AUTS2: variants seen among roughly 807,000 people sequenced by gnomAD.
AUTS2 encodes the protein activator of transcription and developmental regulator AUTS2, also known as autism susceptibility gene 2 protein.
Under a neutral mutation model 112.4 loss-of-function variants are expected in AUTS2, and 17 were observed. The ratio of observed to expected loss-of-function variants is 0.15; its 90% CI spans 0.10 to 0.23. The LOEUF (loss-of-function observed/expected upper bound fraction) is 0.23, where lower values mean the gene tolerates loss of function less well. Among genes scored for constraint, AUTS2 ranks in the 10% least tolerant of loss-of-function variants. AUTS2 has a pLI of 1.00. For synonymous variants in AUTS2, 751 were observed against 702.7 expected, an observed-to-expected ratio of 1.07 and a Z score of -1.09; for missense variants, 1,510 against 1,701.6, an observed-to-expected ratio of 0.89 and a Z score of 1.98.
At chr7:70,031,585 T>C (rs548798811) in intron 2 of AUTS2, among the ~76,000 whole-genome samples, 7 of 152,246 alleles carry the variant, frequency 4.6e-5, no homozygotes, top group African/African-American at 1.7e-4. Flanking sequence ...TCAGTGAAGA[T>C]GGATTGAGCC....
intron 2 of AUTS2, among the ~76,000 whole-genome samples, chr7:69,924,561 C>G (rs28885141): frequency 1.1e-5 from 1 of 93,076 alleles, no homozygotes; most frequent in Admixed American, 1.1e-4. Flanking sequence ...TTTTTTTTTT[C>G]TTTTTTTGAG....
chr7:70,785,050 T>G (rs369080848), intron 16 of AUTS2, 31 bp downstream of exon 16: 57 of 1,609,366 alleles, frequency 3.5e-5, no homozygotes, highest in Admixed American at 6.7e-5. Context: ...GGAACTGAGA[T>G]GTGTGCTTCA....
chr7:69,926,275 G>T (rs1423880725), intron 2 of AUTS2, among the ~76,000 whole-genome samples: 1 of 152,060 alleles, frequency 6.6e-6, no homozygotes, highest in Non-Finnish European at 1.5e-5. Context: ...TATAATTGTG[G>T]TTTTGTTTCT....
At chr7:70,066,207 A>G (rs1802483969) in intron 2 of AUTS2, among the ~76,000 whole-genome samples, 1 of 152,228 alleles carries the variant, frequency 6.6e-6, no homozygotes, top group African/African-American at 2.4e-5. Context: ...TTCAAAGCAC[A>G]TTCCTATATG....
intron 2 of AUTS2, among the ~76,000 whole-genome samples, chr7:70,069,075 C>T (rs1164466518): frequency 6.6e-6 from 1 of 152,176 alleles, no homozygotes; most frequent in Non-Finnish European, 1.5e-5. Context: ...ATGTGGCCAG[C>T]TGATCTCATG....
intron 1 of AUTS2, among the ~76,000 whole-genome samples, chr7:69,880,358 C>A (rs1320779370): frequency 1.3e-5 from 2 of 152,156 alleles, no homozygotes; most frequent in East Asian, 3.9e-4. Flanking sequence ...AACCATATCA[C>A]CCAGCTGGGA....
chr7:70,236,772 C>T (rs1812350456), intron 4 of AUTS2, among the ~76,000 whole-genome samples: 1 of 152,212 alleles, frequency 6.6e-6, no homozygotes, highest in Non-Finnish European at 1.5e-5. Context: ...GTTATTTTCT[C>T]TGTCCAGTAC....
rs757460641 is a variant in AUTS2, at chr7:70,435,091, C to CT, written c.661-655dup. Among the ~76,000 whole-genome samples the CT allele has an allele frequency of 4.6e-3, 703 of 152,218 alleles. 3 individuals carry two copies. Among genetic ancestry groups the CT allele is most frequent in the Non-Finnish European group, 7.1e-3 (482 of 68,016 alleles). ...TCTGAGTCTATGGCCCTAAAGCATA[C>CT]TTTTTTGCCCATATTTTTTATTTAC... On this transcript the variant is annotated intron_variant, in intron 4 of 18. Transcript: ENST00000342771.
At chr7:69,631,733 C>G (rs542373701) in intron 1 of AUTS2, among the ~76,000 whole-genome samples, 1 of 152,316 alleles carries the variant, frequency 6.6e-6, no homozygotes, top group South Asian at 2.1e-4. Context: ...CTGATACATT[C>G]TTCTTTATCT....
chr7:70,290,606 A>C, intron 4 of AUTS2: 2 of 1,423,858 alleles, frequency 1.4e-6, no homozygotes, highest in Non-Finnish European at 1.8e-6. Flanking sequence ...GAAATTAAAC[A>C]CTTCCCTCCT....
At chr7:70,316,905 C>T (rs1386151220) in intron 4 of AUTS2, 1 of 152,156 alleles carries the variant, frequency 6.6e-6, no homozygotes, top group East Asian at 1.9e-4. Flanking sequence ...GTTTTCTTCC[C>T]CCTATGTCTC....
intron 4 of AUTS2, among the ~76,000 whole-genome samples, chr7:70,264,590 C>A (rs573812525): frequency 6.6e-6 from 1 of 152,280 alleles, no homozygotes; most frequent in Admixed American, 6.5e-5. Context: ...CTGGGATTAT[C>A]TAGGTTTTCA....
intron 1 of AUTS2, among the ~76,000 whole-genome samples, chr7:69,660,050 G>A (rs539263530): frequency 7.9e-5 from 12 of 152,278 alleles, no homozygotes; most frequent in Admixed American, 2.0e-4. Flanking sequence ...TTGGTTTGCC[G>A]TTGGTAGTAT....
At chr7:70,072,520 G>A (rs1802823559) in intron 2 of AUTS2, among the ~76,000 whole-genome samples, 1 of 152,204 alleles carries the variant, frequency 6.6e-6, no homozygotes, top group Non-Finnish European at 1.5e-5. Flanking sequence ...CCGAGGTTCA[G>A]CTGAAAGTAA....
intron 5 of AUTS2, among the ~76,000 whole-genome samples, chr7:70,447,978 T>C (rs1368242359): frequency 2.6e-5 from 4 of 152,224 alleles, no homozygotes; most frequent in Admixed American, 2.0e-4. Context: ...AATAAACTTA[T>C]GTTGAATCAT....
chr7:69,753,924 T>C (rs913595110), intron 1 of AUTS2, among the ~76,000 whole-genome samples: 1 of 152,180 alleles, frequency 6.6e-6, no homozygotes, highest in Non-Finnish European at 1.5e-5. Flanking sequence ...TGCTGAATTA[T>C]ATAGGTCTTT....
At chr7:70,103,513 T>C (rs1281981002) in intron 2 of AUTS2, among the ~76,000 whole-genome samples, 1 of 152,196 alleles carries the variant, frequency 6.6e-6, no homozygotes, top group Non-Finnish European at 1.5e-5. Flanking sequence ...CATCTCTCTA[T>C]ATTTTAGTTT....
intron 2 of AUTS2, among the ~76,000 whole-genome samples, chr7:70,032,772 C>T (rs1800838018): frequency 6.6e-6 from 1 of 152,026 alleles, no homozygotes; most frequent in South Asian, 2.1e-4. Flanking sequence ...GTAAGGTATC[C>T]TCCTCCTCTA....
At chr7:69,838,064 G>A (rs1211134067) in intron 1 of AUTS2, among the ~76,000 whole-genome samples, 1 of 152,192 alleles carries the variant, frequency 6.6e-6, no homozygotes, top group Non-Finnish European at 1.5e-5. Flanking sequence ...AGCTGGTCTA[G>A]TTGGGATTGT....
Sources: allele counts gnomAD v4.1 joint callset (sites outside exome capture counted in the v4.1 genomes callset), GRCh38; gene constraint gnomAD v4.1.1; transcripts MANE v1.5; gene names NCBI Gene and HGNC (gene_info 2026-07-23, HGNC 2026-07-21).